RARB: variants seen among roughly 807,000 people sequenced by gnomAD.
RARB encodes retinoic acid receptor beta.
A neutral mutation model predicts 51.9 loss-of-function variants in RARB; 17 were observed. That is an observed-to-expected ratio of 0.33 (90% CI 0.22 to 0.49). RARB has a LOEUF of 0.49. RARB is among the 20% of genes least tolerant of loss of function. The pLI is 0.99. For missense variants in RARB, 369 were observed against 550.8 expected, an observed-to-expected ratio of 0.67 and a Z score of 3.30; for synonymous variants, 215 against 195.4, an observed-to-expected ratio of 1.10 and a Z score of -0.84.
intron 2 of RARB, among the ~76,000 whole-genome samples, chr3:24,986,796 T>A (rs1388412725): frequency 6.6e-6 from 1 of 152,096 alleles, no homozygotes; most frequent in Non-Finnish European, 1.5e-5. Flanking sequence ...ATCGCAGCCT[T>A]CACCCTGTTA....
intron 1 of RARB, among the ~76,000 whole-genome samples, chr3:24,831,367 C>T (rs1288175943): frequency 6.6e-6 from 1 of 152,180 alleles, no homozygotes; most frequent in South Asian, 2.1e-4. Flanking sequence ...TGTAATTTAA[C>T]GTTAATGTCC....
chr3:25,395,345 T>C (rs1157992911), intron 5 of RARB, among the ~76,000 whole-genome samples: 1 of 152,226 alleles, frequency 6.6e-6, no homozygotes, highest in Non-Finnish European at 1.5e-5. Context: ...TTCCTTCATC[T>C]TGAAGTTAGA....
chr3:25,485,692 T>C (rs778839938), intron 2 of RARB, among the ~76,000 whole-genome samples: 4 of 152,242 alleles, frequency 2.6e-5, no homozygotes, highest in Non-Finnish European at 5.9e-5. Context: ...AATGTAATTT[T>C]TTTTAATTGT....
chr3:25,207,949 G>A (rs1461388917), intron 5 of RARB, among the ~76,000 whole-genome samples: 2 of 151,912 alleles, frequency 1.3e-5, no homozygotes, highest in African/African-American at 2.4e-5. Flanking sequence ...GCCTCAGGGA[G>A]GTTTTACTCA....
chr3:25,094,045 G>A lies in RARB; in HGVS notation c.-328+33869G>A, dbSNP rs182745203. On this transcript the variant is annotated intron_variant, in intron 3 of 11. Coordinates refer to the RARB transcript ENST00000383772. The stretch of plus-strand genomic sequence containing the variant: ...AAGTGCCTGAGGAGCAAACTAGCTT[G>A]TAAGTGGGTATGGTCCAGACCCAGA... Among the ~76,000 whole-genome samples the A allele has an allele frequency of 4.2e-4, 64 of 152,298 alleles. 1 individual carries two copies. Among genetic ancestry groups the A allele is most frequent in the African/African-American group, 1.5e-3 (62 of 41,564 alleles).
In RARB at chr3:25,285,639, G is replaced by C. The variant is rs527923569; in HGVS notation, c.178+111064G>C. Among the ~76,000 whole-genome samples, 133 of 152,200 alleles carry C rather than the reference G, an allele frequency of 8.7e-4. No homozygotes were observed. In the South Asian group the frequency reaches 0.024, roughly 28 times the overall value. On this transcript the variant is annotated intron_variant, in intron 5 of 11. Coordinates refer to the RARB transcript ENST00000383772. ...GTGATGACCAAGGGTTGGAGAGAGG[G>C]GAGTATTTCAGAAACTTTTCAGGTG...
intron 5 of RARB, among the ~76,000 whole-genome samples, chr3:25,198,254 C>T (rs9862292): frequency 3.9e-4 from 60 of 152,140 alleles, no homozygotes; most frequent in African/African-American, 1.3e-3. Context: ...CCTTCTCTTA[C>T]CATATACAAA....
chr3:25,592,575 G>C (rs578239400), intron 5 of RARB, among the ~76,000 whole-genome samples: 59 of 152,310 alleles, frequency 3.9e-4, no homozygotes, highest in African/African-American at 1.3e-3. Flanking sequence ...ACAGAAGCAA[G>C]GCATTTTTAG....
intron 2 of RARB, among the ~76,000 whole-genome samples, chr3:24,893,209 T>G (rs540449885): frequency 6.6e-6 from 1 of 152,354 alleles, no homozygotes; most frequent in African/African-American, 2.4e-5. Context: ...TGGGAGATTG[T>G]GTTACCAATT....
At chr3:25,473,921 G>GAAAAAAAAAAAAAAA (rs533183147) in intron 2 of RARB, among the ~76,000 whole-genome samples, 3 of 108,308 alleles carry the variant, frequency 2.8e-5, no homozygotes, top group African/African-American at 3.8e-5. Flanking sequence ...TGTCTGGCAG[G>GAAAAAAAAAAAAAAA]AAAAAAAAAA....
chr3:25,343,172 C>G (rs1257324505), intron 5 of RARB, among the ~76,000 whole-genome samples: 1 of 151,880 alleles, frequency 6.6e-6, no homozygotes, highest in Non-Finnish European at 1.5e-5. Context: ...ACTCTACAAA[C>G]TCTTGTGGAT....
intron 3 of RARB, among the ~76,000 whole-genome samples, chr3:25,103,735 T>C (rs1699447411): frequency 1.3e-5 from 2 of 152,234 alleles, no homozygotes; most frequent in Non-Finnish European, 2.9e-5. Context: ...TACTATAAAG[T>C]GCATCATATC....
Position 25,309,744 on chromosome 3 carries a change from C to T in RARB, c.178+135169C>T, listed in dbSNP as rs894854160. On this transcript the variant is annotated intron_variant, in intron 5 of 11. Transcript: ENST00000383772. ...ACTCCTGACCTCGTGATCCGCCAAC[C>T]TCGGCCTCCCAAAGTGCTGGGATTT... Among the ~76,000 whole-genome samples the T allele has an allele frequency of 5.7e-4, 86 of 151,950 alleles. 1 individual carries two copies. The highest frequency in any genetic ancestry group is 5.4e-3 in the Admixed American group (83 of 15,254).
intron 5 of RARB, among the ~76,000 whole-genome samples, chr3:25,344,217 G>A (rs1705319384): frequency 6.6e-6 from 1 of 152,120 alleles, no homozygotes; most frequent in South Asian, 2.1e-4. Context: ...AGTTGCTGGA[G>A]AACTTTTGAG....
At chr3:24,923,340 T>C (rs534185032) in intron 2 of RARB, among the ~76,000 whole-genome samples, 1 of 152,322 alleles carries the variant, frequency 6.6e-6, no homozygotes, top group East Asian at 1.9e-4. Flanking sequence ...ATACTCATTG[T>C]GAATTAATTT....
chr3:25,171,643 TAAAAA>T (rs770248970), intron 4 of RARB, among the ~76,000 whole-genome samples: 2 of 45,470 alleles, frequency 4.4e-5, no homozygotes, highest in South Asian at 1.6e-3. Context: ...CCCTGGTTGG[TAAAAA>T]AAAAAAAAAA....
rs148739623 is a variant in RARB at position 25,065,997 on chromosome 3, A to AT, written c.-328+5828dup. Among the ~76,000 whole-genome samples, 518 of 152,176 alleles carry AT rather than the reference A, an allele frequency of 3.4e-3. 9 individuals carry two copies. In the East Asian group the frequency reaches 0.044, roughly 13 times the overall value. On this transcript the variant is annotated intron_variant, in intron 3 of 11. Coordinates refer to the RARB transcript ENST00000383772. ...GTCATTAACTAGTGCAGAAATGTGC[A>AT]TTTTTTTCCAGAAAATGCAAAGAAG... is the stretch of plus-strand genomic sequence containing the variant.
At chr3:24,943,491 T>C (rs139138935) in intron 2 of RARB, among the ~76,000 whole-genome samples, 1 of 152,338 alleles carries the variant, frequency 6.6e-6, no homozygotes, top group Non-Finnish European at 1.5e-5. Flanking sequence ...GCACTAATTA[T>C]ATAAATGAGA....
At chr3:25,386,353 G>A (rs370159534) in intron 5 of RARB, among the ~76,000 whole-genome samples, 63 of 152,326 alleles carry the variant, frequency 4.1e-4, no homozygotes, top group African/African-American at 1.5e-3. Flanking sequence ...AGGTTAACAG[G>A]AGCTAGCATG....
Sources: allele counts gnomAD v4.1 joint callset (sites outside exome capture counted in the v4.1 genomes callset), GRCh38; gene constraint gnomAD v4.1.1; transcripts MANE v1.5; gene names NCBI Gene and HGNC (gene_info 2026-07-23, HGNC 2026-07-21).